DPP10: variants seen among roughly 807,000 people sequenced by gnomAD.
DPP10 encodes the protein inactive dipeptidyl peptidase 10.
A neutral mutation model predicts 120.9 loss-of-function variants in DPP10; 33 were observed. The ratio of observed to expected loss-of-function variants is 0.27; its 90% confidence interval spans 0.21 to 0.37. DPP10 has a LOEUF of 0.37. Among genes scored for constraint, DPP10 ranks in the 10% least tolerant of loss-of-function variants. DPP10 has a pLI of 1.00. For missense variants in DPP10, 816 were observed against 942.8 expected (o/e 0.87, Z 1.76); for synonymous variants, 337 against 326.1 (o/e 1.03, Z -0.36).
chr2:114,927,235 C>T (rs1035238945), intron 1 of DPP10, among the ~76,000 whole-genome samples: 8 of 151,990 alleles, frequency 5.3e-5, no homozygotes, highest in Admixed American at 6.5e-5. Flanking sequence ...ATTAGCAGCC[C>T]TGGAAACCAG....
At chr2:114,898,640 T>A (rs1693266712) in intron 1 of DPP10, among the ~76,000 whole-genome samples, 1 of 152,146 alleles carries the variant, frequency 6.6e-6, no homozygotes, top group African/African-American at 2.4e-5. Context: ...AGCACTGAAA[T>A]GTCTATATTG....
chr2:114,550,735 C>T (rs1448275064), intron 1 of DPP10, among the ~76,000 whole-genome samples: 1 of 152,192 alleles, frequency 6.6e-6, no homozygotes, highest in Non-Finnish European at 1.5e-5. Context: ...ACACATTATA[C>T]CAGATTGAAA....
chr2:115,289,503 A>AAAT (rs70941042), intron 1 of DPP10, among the ~76,000 whole-genome samples: 4,494 of 96,152 alleles, frequency 0.047, 128 homozygotes, highest in Middle Eastern at 0.059. Flanking sequence ...AAAAAAAAAA[A>AAAT]AGGAAGAAAA....
chr2:115,762,165 C>T (rs1268935677), intron 11 of DPP10, among the ~76,000 whole-genome samples: 1 of 152,086 alleles, frequency 6.6e-6, no homozygotes, highest in Non-Finnish European at 1.5e-5. Flanking sequence ...AAAGAATGTC[C>T]ACTTTTTAGT....
intron 1 of DPP10, among the ~76,000 whole-genome samples, chr2:114,749,411 T>C (rs1295715354): frequency 6.6e-6 from 1 of 152,258 alleles, no homozygotes; most frequent in South Asian, 2.1e-4. Context: ...GCTTTACTTC[T>C]ATGTTTTCAC....
intron 1 of DPP10, among the ~76,000 whole-genome samples, chr2:115,005,535 G>A (rs1270077912): frequency 3.3e-5 from 5 of 151,656 alleles, no homozygotes; most frequent in Admixed American, 2.0e-4. Flanking sequence ...AGCTGATGGA[G>A]CTGAAAACCA....
chr2:115,016,614 G>C (rs185221198), intron 1 of DPP10, among the ~76,000 whole-genome samples: 4 of 151,906 alleles, frequency 2.6e-5, no homozygotes, highest in African/African-American at 9.7e-5. Flanking sequence ...ATCTGACAAA[G>C]GGCTAATATC....
intron 1 of DPP10, among the ~76,000 whole-genome samples, chr2:114,537,133 G>A (rs2104777272): frequency 6.6e-6 from 1 of 152,286 alleles, no homozygotes; most frequent in South Asian, 2.1e-4. Context: ...CATGCCTTTA[G>A]GAGGGTGTGT....
chr2:115,776,570 C>T (rs1396054505), intron 13 of DPP10, among the ~76,000 whole-genome samples: 1 of 152,046 alleles, frequency 6.6e-6, no homozygotes, highest in Non-Finnish European at 1.5e-5. Context: ...TCAGTGTTCT[C>T]TAACTACATA....
rs1174370491 is a variant in DPP10 at position 115,710,958 on chromosome 2, G to T, written c.577-16858G>T. ...GACTTGAGTTTTTAAAGAATAAGAA[G>T]TTTGCTTTTAGAATCTGTAATGTGT... On this transcript the variant is annotated intron_variant, in intron 7 of 25. Coordinates refer to ENST00000410059, the MANE Select transcript of DPP10 (RefSeq NM_020868.6). Among the ~76,000 whole-genome samples the T allele has an allele frequency of 2.0e-5, 3 of 152,050 alleles. No homozygotes were observed. The East Asian group carries it at 5.8e-4, about 29-fold the overall frequency.
chr2:114,670,121 A>G (rs1034563703), intron 1 of DPP10, among the ~76,000 whole-genome samples: 2 of 152,178 alleles, frequency 1.3e-5, no homozygotes, highest in African/African-American at 4.8e-5. Context: ...GAGATTCCTC[A>G]GGGATCTAGA....
intron 1 of DPP10, among the ~76,000 whole-genome samples, chr2:114,866,156 T>C (rs12711810): frequency 0.32 from 47,620 of 149,050 alleles, 7,901 homozygotes; most frequent in East Asian, 0.59. Flanking sequence ...AATAAACTTA[T>C]ATGCTTGTTT....
chr2:114,583,045 T>C (rs920304310), intron 1 of DPP10, among the ~76,000 whole-genome samples: 1 of 152,180 alleles, frequency 6.6e-6, no homozygotes, highest in Non-Finnish European at 1.5e-5. Context: ...AGGAAGCACT[T>C]TGAGAACACT....
chr2:115,366,413 A>C (rs553108001), intron 3 of DPP10, among the ~76,000 whole-genome samples: 2 of 151,910 alleles, frequency 1.3e-5, no homozygotes, highest in African/African-American at 4.8e-5. Context: ...TTACTTTATT[A>C]TATAGCCTTT....
intron 1 of DPP10, among the ~76,000 whole-genome samples, chr2:114,561,627 C>CAA (rs1162423830): frequency 6.6e-6 from 1 of 151,860 alleles, no homozygotes; most frequent in South Asian, 2.1e-4. Flanking sequence ...CCTCCTTTAG[C>CAA]ATCTAGTCAT....
chr2:115,016,899 C>T (rs1456294256), intron 1 of DPP10, among the ~76,000 whole-genome samples: 14 of 152,006 alleles, frequency 9.2e-5, no homozygotes, highest in Non-Finnish European at 1.6e-4. Context: ...GAGTTCATGT[C>T]CTTTGTAGGG....
chr2:114,564,423 A>C (rs565772062), intron 1 of DPP10, among the ~76,000 whole-genome samples: 1 of 152,178 alleles, frequency 6.6e-6, no homozygotes, highest in Admixed American at 6.5e-5. Flanking sequence ...ACTCAAGACC[A>C]TGGTTGTCTG....
chr2:115,014,376 C>A (rs1033753413), intron 1 of DPP10, among the ~76,000 whole-genome samples: 2 of 152,022 alleles, frequency 1.3e-5, no homozygotes, highest in Non-Finnish European at 1.5e-5. Flanking sequence ...GCTCTAAATA[C>A]CCACAGGAGA....
chr2:115,190,170 ATG>A (rs2054766796), intron 1 of DPP10, among the ~76,000 whole-genome samples: 2 of 152,184 alleles, frequency 1.3e-5, no homozygotes, highest in African/African-American at 4.8e-5. Context: ...GTAGTAATAA[ATG>A]TAATTTATTC....
Sources: gnomAD v4.1 joint callset for allele counts (sites outside exome capture counted in the v4.1 genomes callset) on GRCh38, gnomAD v4.1.1 for gene constraint, MANE v1.5 for transcripts, NCBI Gene and HGNC (gene_info 2026-07-23, HGNC 2026-07-21) for gene names.